TMEM198: variants seen among roughly 807,000 people sequenced by gnomAD.
TMEM198 encodes the protein transmembrane protein 198.
A neutral mutation model predicts 31.5 loss-of-function variants in TMEM198; 21 were observed. The ratio of observed to expected loss-of-function variants is 0.67; its 90% CI spans 0.47 to 0.96. TMEM198 has a LOEUF of 0.96. Among genes scored for constraint, TMEM198 ranks in the 40% least tolerant of loss-of-function variants. TMEM198 has a pLI of 0.00. For missense variants in TMEM198, 447 were observed against 499.4 expected, an observed-to-expected ratio of 0.89 and a Z score of 1.00; for synonymous variants, 211 against 223.3, an observed-to-expected ratio of 0.95 and a Z score of 0.49.
At chr2:219,548,137 T>TG (rs1695432461) in intron 3 of TMEM198, 56 bp downstream of exon 3, 2 of 1,429,036 alleles carry the variant, frequency 1.4e-6, no homozygotes, top group Admixed American at 4.8e-5. Context: ...AGGGATGGGT[T>TG]GGGGGCCAAG....
upstream of TMEM198, chr2:219,543,783 G>A (rs971504891): frequency 6.6e-6 from 3 of 456,000 alleles, no homozygotes; most frequent in African/African-American, 2.1e-5. Flanking sequence ...CCTCAGCCGC[G>A]GCCGCAGCTG....
rs1438570681 is a variant in TMEM198 at position 219,544,288 on chromosome 2, C to CA, written c.-128dup. On this transcript the variant is annotated 5_prime_UTR_variant, in exon 1 of 5. The change creates a premature stop within an existing upstream ORF in the 5' untranslated region. Transcript: ENST00000373883. The stretch of plus-strand genomic sequence containing the variant: ...CGACGGACTTTCCCTGGACCCCAGT[C>CA]AGTTGGAGCCTCTGGCGCCCCGCAA... 3 of 470,382 alleles carry CA rather than the reference C, an allele frequency of 6.4e-6. No individual in the cohort carries two copies. The highest frequency in any genetic ancestry group is 1.3e-5 in the Non-Finnish European group (3 of 229,204). 29.1% of individuals were successfully genotyped at this position (470,382 alleles called of 1,614,324 possible).
Position 219,550,512 on chromosome 2 carries a change from G to C in TMEM198, c.*658G>C, listed in dbSNP as rs554471598. The C allele has an allele frequency of 2.6e-6, 1 of 388,130 alleles. No individual in the cohort carries two copies. Among genetic ancestry groups the C allele is most frequent in the South Asian group, 3.6e-5 (1 of 27,688 alleles). 24.0% of individuals were successfully genotyped at this position (388,130 alleles called of 1,614,324 possible). Reference sequence around the variant, plus strand: ...GTCTGGTGTCTGTCATGCCAACCTAGACACCTCATGCTTCTGTCTCCCCCA... The same window carrying C: ...GTCTGGTGTCTGTCATGCCAACCTACACACCTCATGCTTCTGTCTCCCCCA... On this transcript the variant is annotated 3_prime_UTR_variant, in exon 5 of 5. Coordinates refer to ENST00000373883, the MANE Select transcript of TMEM198 (RefSeq NM_001005209.3).
At position 219,544,101 on chromosome 2, in the gene TMEM198, C is replaced by G; in HGVS notation, c.-316C>G. 2.2e-6 allele frequency: 1 copy of G among 446,460 alleles called. No homozygotes were observed. The highest frequency in any genetic ancestry group is 1.6e-5 in the South Asian group (1 of 62,712). The allele number at this position is 446,460 out of a possible 1,614,324, so 27.7% of individuals were successfully genotyped here. ...GGGCTCAGGGCATGGGGCCGCGGTT[C>G]TGGGGCGGCCCGAGCCCCGGCTCCT... On this transcript the variant is annotated 5_prime_UTR_variant, in exon 1 of 5. Transcript: ENST00000373883.
chr2:219,547,973 C>T lies in TMEM198; in HGVS notation c.634C>T (p.Pro212Ser), dbSNP rs1695428424. The change falls in exon 3 of 5, where the codon CCA becomes TCA. Residue 212 changes from proline to serine, a missense_variant. Transcript: ENST00000373883. The part of the protein sequence containing the change: ...VERLRAAPVP[P>S]LCWRSWALLA... ...GCGACTCCGGGCTGCTCCTGTGCCC[C>T]CACTCTGCTGGCGAAGCTGGGCCCT... 6.3e-7 allele frequency: 1 copy of T among 1,588,026 alleles called. No individual in the cohort carries two copies. Among genetic ancestry groups the T allele is most frequent in the Admixed American group, 1.7e-5 (1 of 57,560 alleles).
Position 219,547,800 on chromosome 2 carries a change from T to C in TMEM198, c.461T>C (p.Leu154Pro), listed in dbSNP as rs1695422561. The change falls in exon 3 of 5, where the codon CTG becomes CCG. Residue 154 changes from leucine to proline, a missense_variant. Physicochemically the swap from Leu to Pro is moderately conservative, Grantham distance 98. Transcript: ENST00000373883. ...GSVWGPLGLL[L>P]GGGLLCALLT... ...GTGTGGGGTCCACTGGGGCTGTTGC[T>C]GGGGGGCGGCCTGCTCTGTGCCCTG... 2 of 1,592,324 alleles carry C rather than the reference T, an allele frequency of 1.3e-6. No homozygotes were observed. Among genetic ancestry groups the C allele is most frequent in the South Asian group, 1.1e-5 (1 of 90,362 alleles).
Position 219,544,322 on chromosome 2 carries a change from C to T in TMEM198, c.-95C>T, listed in dbSNP as rs1400362511. The T allele has an allele frequency of 4.2e-6, 2 of 473,700 alleles. No homozygotes were observed. The highest frequency in any genetic ancestry group is 3.1e-5 in the South Asian group (2 of 64,636). The allele number at this position is 473,700 out of a possible 1,614,324, so 29.3% of individuals were successfully genotyped here. ...CCTCTGGCGCCCCGCAACCCCGGCC[C>T]CTCGGGCCTCTGCACAGCCTCTTTC... On this transcript the variant is annotated 5_prime_UTR_variant, in exon 1 of 5. Coordinates refer to ENST00000373883, the MANE Select transcript of TMEM198 (RefSeq NM_001005209.3).
intron 2 of TMEM198, among the ~76,000 whole-genome samples, chr2:219,546,262 C>G (rs568003536): frequency 6.6e-6 from 1 of 152,302 alleles, no homozygotes; most frequent in East Asian, 1.9e-4. Context: ...TCCAACTATT[C>G]AGAATCTCCA....
upstream of TMEM198, chr2:219,543,809 C>A: frequency 2.2e-6 from 1 of 452,570 alleles, no homozygotes; most frequent in Non-Finnish European, 3.9e-6. Flanking sequence ...CGTGTCACTG[C>A]AAGGGCCCCG....
intron 4 of TMEM198, 123 bp from the exon 5 acceptor site, chr2:219,549,594 G>A (rs1029484474): frequency 2.1e-6 from 3 of 1,461,562 alleles, no homozygotes; most frequent in Non-Finnish European, 2.8e-6. Context: ...TGGGGTCTCA[G>A]GGCTGTGGAC....
chr2:219,549,987 G>A lies in TMEM198; in HGVS notation c.*133G>A, dbSNP rs1003646330. The A allele has an allele frequency of 1.6e-6, 2 of 1,238,074 alleles. No homozygotes were observed. Among genetic ancestry groups the A allele is most frequent in the African/African-American group, 3.0e-5 (2 of 66,406 alleles). 76.7% of individuals were successfully genotyped at this position (1,238,074 alleles called of 1,614,324 possible). A position where few individuals can be genotyped will look rare whatever the true frequency, so the allele number is the denominator to read the frequency against. ...GAGAGGGCTGGCCTGGTCACTAGAA[G>A]GGAGGATTGTCTCAGGCGAGTCTTG... On this transcript the variant is annotated 3_prime_UTR_variant, in exon 5 of 5. Transcript: ENST00000373883.
intron 2 of TMEM198, among the ~76,000 whole-genome samples, chr2:219,546,925 C>T (rs1183026527): frequency 4.6e-5 from 7 of 151,978 alleles, no homozygotes; most frequent in African/African-American, 7.3e-5. Context: ...ATTACAGGTG[C>T]GTGCCACCAT....
Position 219,547,785 on chromosome 2 carries a change from C to A in TMEM198, c.446C>A (p.Pro149Gln). The change falls in exon 3 of 5, where the codon CCA becomes CAA. Residue 149 changes from proline (P) to glutamine (Q), a missense_variant. Pro to Gln is a moderately conservative substitution (Grantham distance 76). Transcript: ENST00000373883. ...TACCAGCCAGGCTCCGTGTGGGGTC[C>A]ACTGGGGCTGTTGCTGGGGGGCGGC... ...PYYQPGSVWG[P>Q]LGLLLGGGLL... 1 of 1,593,054 alleles carries A rather than the reference C, an allele frequency of 6.3e-7. No individual in the cohort carries two copies. Among genetic ancestry groups the A allele is most frequent in the Non-Finnish European group, 8.5e-7 (1 of 1,175,940 alleles).
intron 4 of TMEM198, 109 bp downstream of exon 4, chr2:219,549,463 G>A (rs1266302671): frequency 8.0e-6 from 11 of 1,377,622 alleles, no homozygotes; most frequent in Non-Finnish European, 1.1e-5. Context: ...AGGCCTGTTT[G>A]TCCATGAACT....
In TMEM198 at chr2:219,550,190, G is replaced by A; in HGVS notation, c.*336G>A. ...GACCCTTGCCTTAGATTTCTGACTG[G>A]TAGGGTTTCTCCAGGCTCAGCCCCA... On this transcript the variant is annotated 3_prime_UTR_variant, in exon 5 of 5. Transcript: ENST00000373883. The A allele has an allele frequency of 4.0e-6, 1 of 247,632 alleles. No homozygotes were observed. The highest frequency in any genetic ancestry group is 7.8e-6 in the Non-Finnish European group (1 of 128,828). 15.3% of individuals were successfully genotyped at this position (247,632 alleles called of 1,614,324 possible).
upstream of TMEM198, chr2:219,543,978 G>A (rs1371672867): frequency 2.8e-6 from 1 of 351,116 alleles, no homozygotes; most frequent in African/African-American, 2.2e-5. Flanking sequence ...TGCGTCCCAT[G>A]TGACGTCAGA....
In TMEM198 at chr2:219,548,989, TGA is replaced by T. The variant is rs1695460684; in HGVS notation, c.743-159_743-158del. ...AAGAACAACAGCGGGAAGTCTCCTC[TGA>T]GAGGTAGGAGACCAGGAAAGGAAGT... On this transcript the variant is annotated intron_variant, in intron 3 of 4. Coordinates refer to ENST00000373883, the MANE Select transcript of TMEM198 (RefSeq NM_001005209.3). The T allele has an allele frequency of 1.4e-5, 10 of 711,408 alleles. 1 individual carries two copies. The highest frequency in any genetic ancestry group is 1.1e-4 in the South Asian group (6 of 54,136). The allele number at this position is 711,408 out of a possible 1,614,324, so 44.1% of individuals were successfully genotyped here. A position where few individuals can be genotyped will look rare whatever the true frequency, so the allele number is the denominator to read the frequency against.
chr2:219,544,277 T>C lies in TMEM198; in HGVS notation c.-140T>C, dbSNP rs1212977654. ...CCTTCCTCGCACGACGGACTTTCCC[T>C]GGACCCCAGTCAGTTGGAGCCTCTG... On this transcript the variant is annotated 5_prime_UTR_variant, in exon 1 of 5. Transcript: ENST00000373883. The C allele has an allele frequency of 2.1e-6, 1 of 469,748 alleles. No homozygotes were observed. The highest frequency in any genetic ancestry group is 4.4e-6 in the Non-Finnish European group (1 of 228,652). 29.1% of individuals were successfully genotyped at this position (469,748 alleles called of 1,614,324 possible). A position where few individuals can be genotyped will look rare whatever the true frequency, so the allele number is the denominator to read the frequency against.
chr2:219,549,760 T>C lies in TMEM198; in HGVS notation c.989T>C (p.Leu330Pro), dbSNP rs1695506024. Residue 330 changes from leucine (L) to proline (P), a missense_variant, in exon 5 of 5, where the codon CTG (leucine) becomes CCG (proline). Leu to Pro is a moderately conservative substitution (Grantham distance 98). Coordinates refer to ENST00000373883, the MANE Select transcript of TMEM198 (RefSeq NM_001005209.3). ...SFRDRQTGSS[L>P]SSFMASPTDA... is the part of the protein sequence containing the mutation. ...CGAGACCGGCAGACCGGGAGCTCCC[T>C]GAGCTCCTTCATGGCCTCACCCACA... 2 of 1,614,100 alleles carry C rather than the reference T, an allele frequency of 1.2e-6. No individual in the cohort carries two copies. Among genetic ancestry groups the C allele is most frequent in the Non-Finnish European group, 1.7e-6 (2 of 1,180,000 alleles).
Sources: gnomAD v4.1 joint callset for allele counts (sites outside exome capture counted in the v4.1 genomes callset) on GRCh38, gnomAD v4.1.1 for gene constraint, MANE v1.5 for transcripts, NCBI Gene and HGNC (gene_info 2026-07-23, HGNC 2026-07-21) for gene names.